Variants in TOGARAM1 observed in about 807,000 individuals in gnomAD.
TOGARAM1 encodes TOG array regulator of axonemal microtubules protein 1.
Under a neutral mutation model 166.6 loss-of-function variants are expected in TOGARAM1, and 100 were observed. The observed-to-expected ratio is 0.60, with a 90% CI of 0.51 to 0.71. TOGARAM1 has a LOEUF of 0.71. TOGARAM1 is among the 30% of genes least tolerant of loss of function. TOGARAM1 has a pLI of 0.00. For synonymous variants in TOGARAM1, 758 were observed against 763.8 expected (o/e 0.99, Z 0.13); for missense variants, 2,029 against 2,102.7 (o/e 0.96, Z 0.69).
chr14:45,022,990 T>G (rs1880612766), intron 7 of TOGARAM1: 1 of 152,072 alleles, frequency 6.6e-6, no homozygotes, highest in Non-Finnish European at 1.5e-5. Context: ...ATACTTAGAG[T>G]CTGTATATAT....
intron 17 of TOGARAM1, among the ~76,000 whole-genome samples, chr14:45,067,328 A>G (rs1483844197): frequency 6.6e-6 from 1 of 152,134 alleles, no homozygotes; most frequent in Non-Finnish European, 1.5e-5. Flanking sequence ...ATCAATACAT[A>G]TTTTTAAAAA....
At chr14:45,025,906 G>GA in intron 8 of TOGARAM1, 34 bp downstream of exon 8, 1 of 1,122,418 alleles carries the variant, frequency 8.9e-7, no homozygotes. Flanking sequence ...TTAATTATAT[G>GA]TATTCATCAT....
chr14:45,016,734 A>C (rs114565291), intron 7 of TOGARAM1, among the ~76,000 whole-genome samples: 1,627 of 152,286 alleles, frequency 0.011, 37 homozygotes, highest in African/African-American at 0.037. Flanking sequence ...GAAATGTTGT[A>C]GTATAGCATA....
At chr14:45,040,714 C>T (rs1219973242) in intron 11 of TOGARAM1, among the ~76,000 whole-genome samples, 1 of 151,860 alleles carries the variant, frequency 6.6e-6, no homozygotes, top group Non-Finnish European at 1.5e-5. Context: ...ATTTAAAAGA[C>T]ACAAACTACC....
In TOGARAM1 at chr14:45,073,731, T is replaced by C; in HGVS notation, c.*170T>C. 1 of 530,398 alleles carries C rather than the reference T, an allele frequency of 1.9e-6. No homozygotes were observed. Among genetic ancestry groups the C allele is most frequent in the Non-Finnish European group, 3.2e-6 (1 of 312,282 alleles). The allele number at this position is 530,398 out of a possible 1,614,324, so 32.9% of individuals were successfully genotyped here. On this transcript the variant is annotated 3_prime_UTR_variant, in exon 20 of 20. Coordinates refer to ENST00000361462, the MANE Select transcript of TOGARAM1 (RefSeq NM_001308120.2). ...ATCTGTCCTATATCAACCTTACCAC[T>C]TATATTCATCACATAAAAACCTAAA...
Position 44,995,611 on chromosome 14 carries a change from T to G in TOGARAM1, c.2047-135T>G, listed in dbSNP as rs916695196. Reference sequence around the variant, plus strand: ...GTACCCGACTAAATATGGATGTTTATCTGTATCATTATATATTTGATAAAT... The same window carrying G: ...GTACCCGACTAAATATGGATGTTTAGCTGTATCATTATATATTTGATAAAT... On this transcript the variant is annotated intron_variant, in intron 1 of 19. Coordinates refer to ENST00000361462, the MANE Select transcript of TOGARAM1 (RefSeq NM_001308120.2). 153 of 685,504 alleles carry G rather than the reference T, an allele frequency of 2.2e-4. 2 individuals carry two copies. In the East Asian group the frequency reaches 4.2e-3, roughly 19 times the overall value. 42.5% of individuals were successfully genotyped at this position (685,504 alleles called of 1,614,324 possible). A position where few individuals can be genotyped will look rare whatever the true frequency, so the allele number is the denominator to read the frequency against.
rs577744435 is a variant in TOGARAM1, at chr14:44,974,799, G to C, written c.2046+10332G>C. ...AAAAAAAAGTTAATACAACATTCCT[G>C]CCATATCTGATGCTGGTTCTGATGC... On this transcript the variant is annotated intron_variant, in intron 1 of 19. Transcript: ENST00000361462. Among the ~76,000 whole-genome samples the C allele has an allele frequency of 2.6e-5, 4 of 152,038 alleles. No homozygotes were observed. The South Asian group carries it at 6.2e-4, about 24-fold the overall frequency.
Position 45,073,316 on chromosome 14 carries a change from C to G in TOGARAM1, c.5077C>G (p.Gln1693Glu), listed in dbSNP as rs770253412. The change falls in exon 20 of 20, where the codon CAA becomes GAA. Residue 1693 changes from glutamine to glutamate, a missense_variant. This residue lies in a region of TOGARAM1 where 576 missense variants were observed against 670.5 expected (regional missense o/e 0.86). Transcript: ENST00000361462. ...TTCAGATATTGTTACGGAACTTTATCAAAGGAAGCCGCATGCCACAGAGCA... is the reference window on the plus strand; with the variant it reads ...TTCAGATATTGTTACGGAACTTTATGAAAGGAAGCCGCATGCCACAGAGCA... ...KLADIVTELYQRKPHATEQKV... is the reference protein window; with the variant it reads ...KLADIVTELYERKPHATEQKV... 2 of 1,612,606 alleles carry G rather than the reference C, an allele frequency of 1.2e-6. No homozygotes were observed. Among genetic ancestry groups the G allele is most frequent in the Non-Finnish European group, 1.7e-6 (2 of 1,179,308 alleles).
At chr14:45,061,810 T>C (rs1882914374) in intron 16 of TOGARAM1, among the ~76,000 whole-genome samples, 1 of 151,626 alleles carries the variant, frequency 6.6e-6, no homozygotes, top group African/African-American at 2.4e-5. Context: ...ATGAGGTCTT[T>C]AGTTTCCTTG....
Position 45,052,450 on chromosome 14 carries a change from A to G in TOGARAM1, c.4328A>G (p.Lys1443Arg). 1 of 1,611,874 alleles carries G rather than the reference A, an allele frequency of 6.2e-7. No individual in the cohort carries two copies. Among genetic ancestry groups the G allele is most frequent in the Non-Finnish European group, 8.5e-7 (1 of 1,178,916 alleles). ...AATACTCACAGGTATTATGGTCGAA[A>G]GATGCTGTTCTTCATGATGTGTCAT... ...SSQETRYYGR[K>R]MLFFMMCHPN... The change falls in exon 15 of 20, where the codon AAG becomes AGG. Residue 1443 changes from lysine (K) to arginine (R), a missense_variant. Transcript: ENST00000361462.
rs781078785 is a variant in TOGARAM1, at chr14:45,009,163, G to A, written c.3137+18G>A. ...AGAATAATGTATTTTATTTTTTGAC[G>A]TGATAAATGAATGTTCCTCTGTAAT... On this transcript the variant is annotated intron_variant, in intron 6 of 19. Transcript: ENST00000361462. The A allele has an allele frequency of 1.2e-5, 19 of 1,564,396 alleles. No individual in the cohort carries two copies. The highest frequency in any genetic ancestry group is 2.7e-5 in the African/African-American group (2 of 73,650).
chr14:44,980,177 C>T (rs1477876070), intron 1 of TOGARAM1, among the ~76,000 whole-genome samples: 4 of 152,160 alleles, frequency 2.6e-5, no homozygotes, highest in Non-Finnish European at 5.9e-5. Context: ...TGTACTGGCT[C>T]TTGGCCAGGC....
chr14:44,969,145 C>CCTTCCTTCCTTCCTTCCTTCCTTTCTTT (rs368091743), intron 1 of TOGARAM1, among the ~76,000 whole-genome samples: 98 of 116,212 alleles, frequency 8.4e-4, no homozygotes, highest in African/African-American at 2.3e-3. Flanking sequence ...TTCCTTCCTT[C>CCTTCCTTCCTTCCTTCCTTCCTTTCTTT]CTTTCTTTCT....
chr14:45,028,303 C>T lies in TOGARAM1; in HGVS notation c.3632C>T (p.Thr1211Ile), dbSNP rs1880975490. Residue 1211 changes from threonine to isoleucine, a missense_variant, in exon 10 of 20, where the codon ACA (threonine) becomes ATA (isoleucine). Thr to Ile is a moderately conservative substitution (Grantham distance 89). Transcript: ENST00000361462. ...AATTCCTGGGAACGAATGAGACATACAGGAACTGAGAAAATGGCATCTGAA... is the reference window on the plus strand; with the variant it reads ...AATTCCTGGGAACGAATGAGACATATAGGAACTGAGAAAATGGCATCTGAA... ...EKNSWERMRH[T>I]GTEKMASESE... is the part of the protein sequence containing the mutation. 6.3e-6 allele frequency: 10 copies of T among 1,585,248 alleles called. No homozygotes were observed. The highest frequency in any genetic ancestry group is 8.5e-6 in the Non-Finnish European group (10 of 1,172,918).
chr14:44,971,333 A>G (rs1242161028), intron 1 of TOGARAM1, among the ~76,000 whole-genome samples: 2 of 152,150 alleles, frequency 1.3e-5, no homozygotes, highest in East Asian at 1.9e-4. Context: ...TACCCAATTT[A>G]TAAGCATAGA....
intron 19 of TOGARAM1, among the ~76,000 whole-genome samples, chr14:45,072,705 G>T (rs1476856358): frequency 6.6e-6 from 1 of 152,012 alleles, no homozygotes; most frequent in African/African-American, 2.4e-5. Flanking sequence ...AATTTCAGGC[G>T]TGAGCCACTG....
intron 7 of TOGARAM1, among the ~76,000 whole-genome samples, chr14:45,016,429 C>A (rs1221689004): frequency 6.6e-6 from 1 of 152,166 alleles, no homozygotes; most frequent in Non-Finnish European, 1.5e-5. Context: ...CGCCTGTAAT[C>A]CTGGCACTTT....
intron 1 of TOGARAM1, among the ~76,000 whole-genome samples, chr14:44,992,072 T>TAAAAAAAAAAAAAAAAAA (rs71108676): frequency 1.3e-4 from 5 of 37,962 alleles, no homozygotes; most frequent in Admixed American, 4.9e-4. Context: ...CCCTGTCTGT[T>TAAAAAAAAAAAAAAAAAA]AAAAAAAAAA....
chr14:45,065,555 C>A (rs1418624147), intron 16 of TOGARAM1, among the ~76,000 whole-genome samples: 1 of 152,194 alleles, frequency 6.6e-6, no homozygotes, highest in East Asian at 1.9e-4. Flanking sequence ...CATTGAGTTA[C>A]CCCTTTATAG....
Sources: allele counts gnomAD v4.1 joint callset (sites outside exome capture counted in the v4.1 genomes callset), GRCh38; gene constraint gnomAD v4.1.1; regional missense constraint gnomAD v4.1.1; transcripts MANE v1.5; gene names NCBI Gene and HGNC (gene_info 2026-07-23, HGNC 2026-07-21).